DOCK11: variants seen among roughly 807,000 people sequenced by gnomAD.
DOCK11 encodes dedicator of cytokinesis 11.
A neutral mutation model predicts 169.1 loss-of-function variants in DOCK11; 70 were observed. The ratio of observed to expected loss-of-function variants is 0.41; its 90% CI spans 0.34 to 0.51. The LOEUF is 0.51. DOCK11 is among the 20% of genes least tolerant of loss of function. The pLI is 0.10. For missense variants in DOCK11, 1,166 were observed against 1,538.8 expected (o/e 0.76, Z 4.05); for synonymous variants, 529 against 541.3 (o/e 0.98, Z 0.32).
chrX:118,627,251 G>A, intron 32 of DOCK11, among the ~76,000 whole-genome samples: 1 of 98,629 alleles, frequency 1.0e-5, no homozygotes, highest in Non-Finnish European at 2.2e-5. Context: ...AAAAAAGACT[G>A]TACCAGTTGC....
At chrX:118,623,385 A>G (rs1383610646) in intron 31 of DOCK11, among the ~76,000 whole-genome samples, 1 of 112,826 alleles carries the variant, frequency 8.9e-6, no homozygotes, top group Non-Finnish European at 1.9e-5. Flanking sequence ...GACCTTCCTA[A>G]TAGAACCCAT....
intron 1 of DOCK11, among the ~76,000 whole-genome samples, chrX:118,502,920 C>T (rs1307621898): frequency 1.8e-5 from 2 of 110,725 alleles, no homozygotes; most frequent in East Asian, 5.7e-4. Flanking sequence ...CCCAGCCCCT[C>T]ACACAGTGTC....
intron 29 of DOCK11, 73 bp from the exon 30 acceptor site, chrX:118,615,527 T>C: frequency 1.2e-6 from 1 of 826,694 alleles, no homozygotes; most frequent in Non-Finnish European, 1.8e-6. Flanking sequence ...TGAAAAATAA[T>C]GCGCTGTATT....
At chrX:118,582,420 G>A (rs2013677730) in intron 14 of DOCK11, among the ~76,000 whole-genome samples, 1 of 111,608 alleles carries the variant, frequency 9.0e-6, no homozygotes, top group Admixed American at 9.5e-5. Flanking sequence ...CGTTTTACCA[G>A]TAGAAAAGTT....
chrX:118,569,091 C>T (rs750347308), intron 10 of DOCK11, among the ~76,000 whole-genome samples: 50 of 44,990 alleles, frequency 1.1e-3, no homozygotes, highest in Non-Finnish European at 1.3e-3. Flanking sequence ...TCTTTCTTTC[C>T]TTTTTTTTTT....
At chrX:118,512,494 T>C (rs1327203882) in intron 1 of DOCK11, among the ~76,000 whole-genome samples, 1 of 112,057 alleles carries the variant, frequency 8.9e-6, no homozygotes, top group Admixed American at 9.5e-5. Flanking sequence ...TAGATACTTA[T>C]TCAGGGGCTG....
chrX:118,685,534 G>A (rs2016838698), intron 52 of DOCK11, 154 bp from the exon 53 acceptor site: 1 of 643,737 alleles, frequency 1.6e-6, no homozygotes, highest in African/African-American at 2.2e-5. Flanking sequence ...GAAGACTTAA[G>A]TCGGTAATGT....
At chrX:118,647,687 TA>T (rs1238278986) in intron 40 of DOCK11, among the ~76,000 whole-genome samples, 1 of 57,524 alleles carries the variant, frequency 1.7e-5, no homozygotes, top group Non-Finnish European at 2.9e-5. Flanking sequence ...TATAATATTA[TA>T]TTATAATATA....
At chrX:118,588,061 TA>T (rs761829907) in intron 16 of DOCK11, 75 bp from the exon 17 acceptor site, 215 of 861,753 alleles carry the variant, frequency 2.5e-4, no homozygotes, top group Non-Finnish European at 3.3e-4. Flanking sequence ...AATTCATGTA[TA>T]TTTTTTATAC....
At chrX:118,512,847 C>T (rs1298952534) in intron 1 of DOCK11, among the ~76,000 whole-genome samples, 1 of 111,935 alleles carries the variant, frequency 8.9e-6, no homozygotes, top group Non-Finnish European at 1.9e-5. Flanking sequence ...GAATGGTGGC[C>T]ATAGAGGCTG....
At chrX:118,657,711 A>G (rs2016110176) in intron 44 of DOCK11, among the ~76,000 whole-genome samples, 1 of 111,898 alleles carries the variant, frequency 8.9e-6, no homozygotes, top group Admixed American at 9.6e-5. Context: ...TAAACTGAGT[A>G]TTATTCTAAG....
intron 1 of DOCK11, among the ~76,000 whole-genome samples, chrX:118,504,410 A>G (rs1360226877): frequency 1.8e-5 from 2 of 110,162 alleles, no homozygotes; most frequent in African/African-American, 6.6e-5. Flanking sequence ...CTCTTACTTG[A>G]CCTCTGTGGA....
intron 32 of DOCK11, among the ~76,000 whole-genome samples, chrX:118,626,894 C>A (rs2147488578): frequency 8.9e-6 from 1 of 112,562 alleles, no homozygotes; most frequent in Admixed American, 9.4e-5. Context: ...ACACCTTCTT[C>A]TAGCATTGCC....
intron 23 of DOCK11, among the ~76,000 whole-genome samples, chrX:118,603,631 G>T (rs2014407986): frequency 8.9e-6 from 1 of 112,248 alleles, no homozygotes; most frequent in African/African-American, 3.2e-5. Flanking sequence ...TTAGTTCCAT[G>T]TGTTTATCCC....
Position 118,514,448 on chromosome X carries a change from AC to A in DOCK11, c.102+18377del, listed in dbSNP as rs1451104377. Among the ~76,000 whole-genome samples the A allele has an allele frequency of 8.1e-5, 9 of 111,021 alleles. No homozygotes were observed. The East Asian group carries it at 2.0e-3, about 24-fold the overall frequency. On this transcript the variant is annotated intron_variant, in intron 1 of 52. Coordinates refer to ENST00000276202, the MANE Select transcript of DOCK11 (RefSeq NM_144658.4). Reference sequence around the variant, plus strand: ...TTGTCTTGAAATATCTAGAAACTGTACCATTCTCCTACCTCTTGAGAGCGTG... The same window carrying A: ...TTGTCTTGAAATATCTAGAAACTGTACATTCTCCTACCTCTTGAGAGCGTG...
chrX:118,669,316 G>A (rs937942650), intron 45 of DOCK11, among the ~76,000 whole-genome samples: 4 of 111,816 alleles, frequency 3.6e-5, no homozygotes, highest in Admixed American at 2.8e-4. Context: ...AAAGAAAGAG[G>A]GTGTAATAGT....
intron 40 of DOCK11, among the ~76,000 whole-genome samples, chrX:118,648,532 T>A (rs901496045): frequency 2.2e-5 from 2 of 92,531 alleles, no homozygotes; most frequent in Non-Finnish European, 4.2e-5. Context: ...ATATATATAT[T>A]TATATATTTA....
rs200211345 is a variant in DOCK11 at position 118,647,139 on chromosome X, ATGTGTGTGTGTGTGTGTGTG to A, written c.4399-1776_4399-1757del. Among the ~76,000 whole-genome samples the A allele has an allele frequency of 2.0e-4, 17 of 85,526 alleles. 1 individual carries two copies. The South Asian group carries it at 5.0e-3, about 25-fold the overall frequency. 74.3% of individuals were successfully genotyped at this position (85,526 alleles called of 115,157 possible). ...CTATCAGTGTTTATGTGAAGAGGAT[ATGTGTGTGTGTGTGTGTGTG>A]TGTGTGTGTGTGTGTGTGTGTGTGT... On this transcript the variant is annotated intron_variant, in intron 40 of 52. Coordinates refer to ENST00000276202, the MANE Select transcript of DOCK11 (RefSeq NM_144658.4).
In DOCK11 at chrX:118,641,380, G is replaced by A; in HGVS notation, c.4260+75G>A. ...ATGCAGAAATTACCTAGTCAATGTG[G>A]GGTAGTACACTGAAAAAGGCTGGCA... On this transcript the variant is annotated intron_variant, in intron 39 of 52. Coordinates refer to ENST00000276202, the MANE Select transcript of DOCK11 (RefSeq NM_144658.4). 5.4e-6 allele frequency: 4 copies of A among 742,224 alleles called. No individual in the cohort carries two copies. In the Admixed American group the frequency reaches 8.1e-5, roughly 15 times the overall value. The allele number at this position is 742,224 out of a possible 1,213,427, so 61.2% of individuals were successfully genotyped here.
Sources: allele counts gnomAD v4.1 joint callset (sites outside exome capture counted in the v4.1 genomes callset), GRCh38; gene constraint gnomAD v4.1.1; transcripts MANE v1.5; gene names NCBI Gene and HGNC (gene_info 2026-07-23, HGNC 2026-07-21).